Variants in ARL15 observed in about 807,000 individuals in gnomAD.
ARL15 encodes ADP-ribosylation factor-like protein 15.
Under a neutral mutation model 25.2 loss-of-function variants are expected in ARL15, and 19 were observed. The ratio of observed to expected loss-of-function variants is 0.75; its 90% CI spans 0.53 to 1.10. ARL15 has a LOEUF of 1.10. ARL15 is among the 50% of genes least tolerant of loss of function. ARL15 has a pLI of 0.00. For missense variants in ARL15, 220 were observed against 246.0 expected (o/e 0.89, Z 0.71); for synonymous variants, 94 against 86.8 (o/e 1.08, Z -0.46).
At chr5:54,149,279 G>A (rs1753997885) in intron 3 of ARL15, among the ~76,000 whole-genome samples, 1 of 152,154 alleles carries the variant, frequency 6.6e-6, no homozygotes, top group Admixed American at 6.5e-5. Flanking sequence ...CACGCACAGT[G>A]CCAAAACTAT....
chr5:54,123,896 A>T (rs1447905326), intron 3 of ARL15, among the ~76,000 whole-genome samples: 1 of 152,196 alleles, frequency 6.6e-6, no homozygotes, highest in Non-Finnish European at 1.5e-5. Flanking sequence ...AGGTTATACA[A>T]AAGAGAGTGA....
At chr5:53,937,753 CTG>C (rs1424807159) in intron 4 of ARL15, among the ~76,000 whole-genome samples, 1 of 151,502 alleles carries the variant, frequency 6.6e-6, no homozygotes, top group African/African-American at 2.4e-5. Flanking sequence ...AATCACCTAA[CTG>C]TATCAAAATA....
intron 1 of ARL15, among the ~76,000 whole-genome samples, chr5:54,277,951 G>A (rs971215698): frequency 6.6e-6 from 1 of 152,208 alleles, no homozygotes; most frequent in Non-Finnish European, 1.5e-5. Context: ...TGTGGCTTCC[G>A]TATGCTTCAA....
chr5:53,911,574 G>A (rs1245415000), intron 4 of ARL15, among the ~76,000 whole-genome samples: 2 of 151,908 alleles, frequency 1.3e-5, no homozygotes, highest in Non-Finnish European at 2.9e-5. Flanking sequence ...GGGGACAGGT[G>A]GTGTTTGGTC....
chr5:54,036,805 A>G (rs1433883524), intron 4 of ARL15, among the ~76,000 whole-genome samples: 1 of 152,168 alleles, frequency 6.6e-6, no homozygotes, highest in East Asian at 1.9e-4. Flanking sequence ...AAATAGATTT[A>G]GTGTTTTGTT....
intron 1 of ARL15, among the ~76,000 whole-genome samples, chr5:54,214,716 T>C (rs1756132915): frequency 6.6e-6 from 1 of 152,166 alleles, no homozygotes; most frequent in South Asian, 2.1e-4. Flanking sequence ...TCTTCTGACT[T>C]CATTTCAATG....
chr5:54,034,439 T>G lies in ARL15; in HGVS notation c.462+78763A>C, dbSNP rs551262806. ...CAATAGAGCCAGAAAGAACAAACAG[T>G]AAACTATTTACAGTCACTCCCTTCT... On this transcript the variant is annotated intron_variant, in intron 4 of 4. Transcript: ENST00000504924. 8.0e-4 allele frequency among the ~76,000 whole-genome samples: 122 copies of G among 152,234 alleles called. 1 individual carries two copies. The highest frequency in any genetic ancestry group is 7.8e-4 in the Non-Finnish European group (53 of 68,008).
At chr5:53,888,429 C>T (rs565860591) in intron 4 of ARL15, among the ~76,000 whole-genome samples, 6 of 152,106 alleles carry the variant, frequency 3.9e-5, no homozygotes, top group South Asian at 2.1e-4. Flanking sequence ...CATAGGTGCA[C>T]GCCACAACAA....
chr5:54,033,562 C>G (rs1163325898), intron 4 of ARL15, among the ~76,000 whole-genome samples: 1 of 150,836 alleles, frequency 6.6e-6, no homozygotes, highest in Middle Eastern at 3.2e-3. Flanking sequence ...ATCCTAGCTA[C>G]TCAGGAGGCT....
In ARL15 at chr5:54,014,233, G is replaced by GC. The variant is rs756000695; in HGVS notation, c.462+98968dup. ...GTATAATGAGTATTTTGAATTAAAG[G>GC]CTCTTGGAGAACAACAGACACTGGA... On this transcript the variant is annotated intron_variant, in intron 4 of 4. Transcript: ENST00000504924. 1.1e-4 allele frequency among the ~76,000 whole-genome samples: 17 copies of GC among 152,138 alleles called. No individual in the cohort carries two copies. In the South Asian group the frequency reaches 1.2e-3, roughly 11 times the overall value.
At chr5:54,124,595 T>C (rs1753186662) in intron 3 of ARL15, among the ~76,000 whole-genome samples, 1 of 152,156 alleles carries the variant, frequency 6.6e-6, no homozygotes, top group African/African-American at 2.4e-5. Context: ...ATTCAACAAA[T>C]ACACAAACAC....
intron 1 of ARL15, among the ~76,000 whole-genome samples, chr5:54,234,498 A>G (rs1381606272): frequency 6.6e-6 from 1 of 152,054 alleles, no homozygotes; most frequent in Non-Finnish European, 1.5e-5. Context: ...GCTTCCCTAG[A>G]CATCCCCACC....
In ARL15 at chr5:54,171,819, C is replaced by A. The variant is rs766601255; in HGVS notation, c.158G>T (p.Cys53Phe). Residue 53 changes from cysteine to phenylalanine, a missense_variant, in exon 2 of 5, where the codon TGC (cysteine) becomes TTC (phenylalanine). By Grantham distance (205) the Cys-to-Phe change is radical (BLOSUM62 -2). Transcript: ENST00000504924. ...CACGACGTTATCGGGGCTTTCACTG[C>A]AGAGTTTGGACAACAGACTGGTTTT... The part of the protein sequence containing the change: ...SGKTSLLSKL[C>F]SESPDNVVST... The A allele has an allele frequency of 3.7e-6, 6 of 1,613,234 alleles. No homozygotes were observed. The highest frequency in any genetic ancestry group is 1.1e-5 in the South Asian group (1 of 90,978).
intron 1 of ARL15, among the ~76,000 whole-genome samples, chr5:54,224,549 A>G (rs1756467619): frequency 6.6e-6 from 1 of 152,184 alleles, no homozygotes. Flanking sequence ...AAAAATATAA[A>G]TAACTATAAA....
chr5:54,217,120 A>G (rs929643805), intron 1 of ARL15, among the ~76,000 whole-genome samples: 2 of 152,048 alleles, frequency 1.3e-5, no homozygotes, highest in Admixed American at 6.6e-5. Context: ...ATTTAAAAGG[A>G]AGATTTATCC....
At chr5:54,188,793 T>C (rs975552493) in intron 1 of ARL15, among the ~76,000 whole-genome samples, 1 of 152,134 alleles carries the variant, frequency 6.6e-6, no homozygotes, top group Non-Finnish European at 1.5e-5. Context: ...AATAAAAAAT[T>C]GACCTGAAAT....
At chr5:54,090,468 T>C (rs1280547090) in intron 4 of ARL15, among the ~76,000 whole-genome samples, 1 of 150,320 alleles carries the variant, frequency 6.7e-6, no homozygotes, top group East Asian at 1.9e-4. Flanking sequence ...AAGGCAGTGG[T>C]TACTTCTAGG....
chr5:54,071,773 C>A (rs920880466), intron 4 of ARL15, among the ~76,000 whole-genome samples: 2 of 151,904 alleles, frequency 1.3e-5, no homozygotes, highest in Non-Finnish European at 2.9e-5. Flanking sequence ...AGATCGAGAC[C>A]ATCCTGGCTA....
At chr5:54,005,759 G>A (rs1749010345) in intron 4 of ARL15, among the ~76,000 whole-genome samples, 1 of 151,928 alleles carries the variant, frequency 6.6e-6, no homozygotes, top group Non-Finnish European at 1.5e-5. Flanking sequence ...CTACTCGGGA[G>A]GCTGAGGCAG....
Sources: gnomAD v4.1 joint callset for allele counts (sites outside exome capture counted in the v4.1 genomes callset) on GRCh38, gnomAD v4.1.1 for gene constraint, MANE v1.5 for transcripts, NCBI Gene and HGNC (gene_info 2026-07-23, HGNC 2026-07-21) for gene names.